Variants in WWP2 observed in about 807,000 individuals in gnomAD.
WWP2 encodes WW domain containing E3 ubiquitin protein ligase 2.
In WWP2, 57 loss-of-function variants were observed where a neutral mutation model predicts 121.0. The observed-to-expected ratio is 0.47, with a 90% CI of 0.38 to 0.59. WWP2 has a LOEUF of 0.59. Among genes scored for constraint, WWP2 ranks in the 20% least tolerant of loss-of-function variants. WWP2 has a pLI of 0.00. For missense variants in WWP2, 962 were observed against 1,158.9 expected (o/e 0.83, Z 2.47); for synonymous variants, 449 against 441.3 (o/e 1.02, Z -0.22).
intron 1 of WWP2, among the ~76,000 whole-genome samples, chr16:69,785,590 A>G (rs1345817683): frequency 2.6e-5 from 4 of 152,154 alleles, no homozygotes; most frequent in Non-Finnish European, 4.4e-5. Flanking sequence ...CCAAGACGGA[A>G]TGACAGGGAC....
chr16:69,903,206 T>G (rs944997067), intron 8 of WWP2, among the ~76,000 whole-genome samples: 1 of 152,172 alleles, frequency 6.6e-6, no homozygotes, highest in African/African-American at 2.4e-5. Flanking sequence ...GGGCCTTATC[T>G]GGGCCTGTGT....
At chr16:69,812,476 C>CTTTTT (rs1555548739) in intron 4 of WWP2, among the ~76,000 whole-genome samples, 1 of 125,814 alleles carries the variant, frequency 7.9e-6, no homozygotes, top group Non-Finnish European at 1.6e-5. Context: ...CAACCCCCCC[C>CTTTTT]CTTTTTTTTT....
chr16:69,767,894 G>A (rs1483810886), intron 1 of WWP2, among the ~76,000 whole-genome samples: 7 of 152,194 alleles, frequency 4.6e-5, no homozygotes, highest in Admixed American at 2.0e-4. Context: ...CTGAAGTACA[G>A]TGGCATGATC....
intron 16 of WWP2, 53 bp downstream of exon 16, chr16:69,931,943 A>G (rs1413984383): frequency 6.5e-7 from 1 of 1,532,896 alleles, no homozygotes; most frequent in Non-Finnish European, 8.9e-7. Flanking sequence ...CCCAGGCTAC[A>G]GCATCAATGG....
At chr16:69,869,128 T>C (rs1297233182) in intron 6 of WWP2, among the ~76,000 whole-genome samples, 1 of 152,150 alleles carries the variant, frequency 6.6e-6, no homozygotes, top group Non-Finnish European at 1.5e-5. Context: ...CCTCAGGTGA[T>C]CCACCTGCCT....
Position 69,939,834 on chromosome 16 carries a change from T to C in WWP2, c.2514-7T>C. 1 of 1,612,494 alleles carries C rather than the reference T, an allele frequency of 6.2e-7. No homozygotes were observed. The highest frequency in any genetic ancestry group is 1.7e-5 in the Admixed American group (1 of 59,734). ...GGCTGACTGTCGTGCTTCCCCACTCTCAATAGCTTCAACCGTCTGGATCTT... is the reference window on the plus strand; with the variant it reads ...GGCTGACTGTCGTGCTTCCCCACTCCCAATAGCTTCAACCGTCTGGATCTT... On this transcript the variant is annotated splice_polypyrimidine_tract_variant and splice_region_variant and intron_variant, in intron 23 of 23. Transcript: ENST00000359154.
intron 1 of WWP2, among the ~76,000 whole-genome samples, chr16:69,763,759 G>C (rs1044174951): frequency 1.3e-5 from 2 of 152,126 alleles, no homozygotes; most frequent in African/African-American, 4.8e-5. Context: ...ATTTTATTTG[G>C]CTGCTAGCCT....
chr16:69,930,390 A>G, intron 13 of WWP2, 132 bp downstream of exon 13: 5 of 1,385,156 alleles, frequency 3.6e-6, no homozygotes, highest in Non-Finnish European at 4.8e-6. Flanking sequence ...CTAGTGGCCA[A>G]TGTTGATGTC....
chr16:69,829,901 T>C (rs2056763974), intron 4 of WWP2, among the ~76,000 whole-genome samples: 1 of 151,964 alleles, frequency 6.6e-6, no homozygotes, highest in African/African-American at 2.4e-5. Flanking sequence ...AGTAATCCTC[T>C]TGTCTCAGCC....
chr16:69,798,418 T>C (rs1484849414), intron 2 of WWP2, among the ~76,000 whole-genome samples: 3 of 152,040 alleles, frequency 2.0e-5, no homozygotes, highest in African/African-American at 7.2e-5. Flanking sequence ...GGAAGGCAAT[T>C]TACCAACGAT....
chr16:69,903,091 A>G (rs115500566), intron 8 of WWP2, among the ~76,000 whole-genome samples: 2,128 of 152,322 alleles, frequency 0.014, 41 homozygotes, highest in African/African-American at 0.048. Context: ...TCGCTAAGCC[A>G]GTTGAGGGGG....
intron 1 of WWP2, chr16:69,776,331 G>A (rs116208196): frequency 1.1e-3 from 175 of 152,282 alleles, no homozygotes; most frequent in African/African-American, 3.9e-3. Flanking sequence ...CACAACTAGA[G>A]CTAGGAGGGA....
intron 9 of WWP2, among the ~76,000 whole-genome samples, chr16:69,917,197 C>G (rs543574469): frequency 6.6e-6 from 1 of 152,234 alleles, no homozygotes; most frequent in South Asian, 2.1e-4. Context: ...TGATTCCAAG[C>G]GAAGCTTGGG....
chr16:69,797,472 T>C (rs1004445108), intron 2 of WWP2, among the ~76,000 whole-genome samples: 1 of 152,158 alleles, frequency 6.6e-6, no homozygotes. Context: ...AATGGGGTGA[T>C]GATATATTCC....
intron 7 of WWP2, among the ~76,000 whole-genome samples, chr16:69,885,103 A>G: frequency 4.4e-5 from 1 of 22,758 alleles, no homozygotes; most frequent in South Asian, 2.0e-3. Context: ...AACTCCTCCT[A>G]CACACACACA....
chr16:69,895,600 C>T (rs1394599836), intron 8 of WWP2, among the ~76,000 whole-genome samples: 6 of 152,040 alleles, frequency 3.9e-5, no homozygotes, highest in Non-Finnish European at 7.4e-5. Context: ...TTCGTCTCTA[C>T]AAAAAATACA....
chr16:69,925,588 C>G lies in WWP2; in HGVS notation c.1234+104C>G, dbSNP rs1490054764. The G allele has an allele frequency of 5.7e-6, 8 of 1,406,064 alleles. No individual in the cohort carries two copies. The highest frequency in any genetic ancestry group is 7.8e-6 in the Non-Finnish European group (8 of 1,030,466). 87.1% of individuals were successfully genotyped at this position (1,406,064 alleles called of 1,614,324 possible). A position where few individuals can be genotyped will look rare whatever the true frequency, so the allele number is the denominator to read the frequency against. On this transcript the variant is annotated intron_variant, in intron 11 of 23. Transcript: ENST00000359154. The surrounding 1 kb of genome is among the most constrained non-coding windows in gnomAD (Gnocchi z 4.0). ...TTCCCTGTTCCTGTCCCTCTGTTTT[C>G]CATCTCTCCCCTCTCCAGCACACTC... is the stretch of plus-strand genomic sequence containing the variant.
chr16:69,897,542 A>G (rs761638554), intron 8 of WWP2, among the ~76,000 whole-genome samples: 5 of 152,114 alleles, frequency 3.3e-5, no homozygotes, highest in Non-Finnish European at 5.9e-5. Flanking sequence ...ATGCATTTAA[A>G]CTGCTATACG....
At chr16:69,863,590 G>A (rs1214794432) in intron 6 of WWP2, among the ~76,000 whole-genome samples, 2 of 152,140 alleles carry the variant, frequency 1.3e-5, no homozygotes, top group East Asian at 1.9e-4. Context: ...GTAGTGAGCC[G>A]AGATTGCGCC....
Sources: gnomAD v4.1 joint callset for allele counts (sites outside exome capture counted in the v4.1 genomes callset) on GRCh38, gnomAD v4.1.1 for gene constraint, Gnocchi (gnomAD v3.1) non-coding constraint, MANE v1.5 for transcripts, NCBI Gene and HGNC (gene_info 2026-07-23, HGNC 2026-07-21) for gene names.